ITPR1: variants seen among roughly 807,000 people sequenced by gnomAD.
ITPR1 encodes the protein inositol 1,4,5-trisphosphate-gated calcium channel ITPR1.
Under a neutral mutation model 318.4 loss-of-function variants are expected in ITPR1, and 96 were observed. The observed-to-expected ratio is 0.30, with a 90% confidence interval of 0.26 to 0.36. ITPR1 has a LOEUF of 0.36. ITPR1 is among the 10% of genes least tolerant of loss of function. The pLI, the probability that ITPR1 is intolerant of heterozygous loss-of-function variation, is 1.00. For synonymous variants in ITPR1, 1,312 were observed against 1,289.9 expected, an observed-to-expected ratio of 1.02 and a Z score of -0.37; for missense variants, 2,440 against 3,460.2, an observed-to-expected ratio of 0.71 and a Z score of 7.40.
chr3:4,672,532 C>A (rs923503303), intron 20 of ITPR1, among the ~76,000 whole-genome samples: 5 of 152,066 alleles, frequency 3.3e-5, no homozygotes, highest in African/African-American at 9.7e-5. Flanking sequence ...GAATCTTCTC[C>A]CAAGTGAATG....
In ITPR1 at chr3:4,669,640, CT is replaced by C; in HGVS notation, c.1887-13del. ...TCTATCTACAGAAAATGTTTTGTTT[CT>C]GTTTCTGTTTAGATTCTTAGATTAC... On this transcript the variant is annotated splice_polypyrimidine_tract_variant and intron_variant, in intron 18 of 61. Transcript: ENST00000649015. 2 of 1,605,914 alleles carry C rather than the reference CT, an allele frequency of 1.2e-6. No homozygotes were observed. The highest frequency in any genetic ancestry group is 1.7e-6 in the Non-Finnish European group (2 of 1,175,302).
rs558085018 is a variant in ITPR1 at position 4,839,110 on chromosome 3, C to T, written c.8190+2175C>T. On this transcript the variant is annotated intron_variant, in intron 61 of 61. Transcript: ENST00000649015. Reference sequence around the variant, plus strand: ...TGGGAGGACAAGGAGGGTGGATCACCTGAGGTCAGGAGTTCGAGACCAGCC... The same window carrying T: ...TGGGAGGACAAGGAGGGTGGATCACTTGAGGTCAGGAGTTCGAGACCAGCC... 5.9e-5 allele frequency among the ~76,000 whole-genome samples: 9 copies of T among 152,238 alleles called. No individual in the cohort carries two copies. In the South Asian group the frequency reaches 1.7e-3, roughly 28 times the overall value.
At chr3:4,582,287 C>T (rs948508186) in intron 4 of ITPR1, among the ~76,000 whole-genome samples, 1 of 152,166 alleles carries the variant, frequency 6.6e-6, no homozygotes, top group East Asian at 1.9e-4. Context: ...CCAAAGAAAC[C>T]GCTGGTTAAT....
intron 54 of ITPR1, among the ~76,000 whole-genome samples, chr3:4,802,447 T>C (rs868543420): frequency 3.3e-5 from 5 of 152,272 alleles, no homozygotes; most frequent in Middle Eastern, 6.8e-3. Context: ...TTAGGGGCTG[T>C]AGCGACGCTT....
chr3:4,532,070 G>A (rs77473283), intron 4 of ITPR1, among the ~76,000 whole-genome samples: 20,388 of 152,190 alleles, frequency 0.13, 1,464 homozygotes, highest in African/African-American at 0.16. Context: ...CATATTAAAT[G>A]CCATAACACT....
intron 4 of ITPR1, among the ~76,000 whole-genome samples, chr3:4,538,938 C>G (rs2084139032): frequency 3.9e-5 from 6 of 152,066 alleles, no homozygotes; most frequent in Admixed American, 3.3e-4. Flanking sequence ...GGCTTAATAC[C>G]TAGGTGATAG....
intron 4 of ITPR1, among the ~76,000 whole-genome samples, chr3:4,539,655 G>C (rs928287102): frequency 1.3e-5 from 2 of 152,112 alleles, no homozygotes; most frequent in South Asian, 2.1e-4. Flanking sequence ...TGAGAAGTGG[G>C]GCCTTTAAGA....
At chr3:4,580,676 C>G (rs578262824) in intron 4 of ITPR1, among the ~76,000 whole-genome samples, 1 of 152,294 alleles carries the variant, frequency 6.6e-6, no homozygotes, top group East Asian at 1.9e-4. Flanking sequence ...GTCCTTACCC[C>G]CAACCTCTTG....
chr3:4,565,404 C>T (rs1043550041), intron 4 of ITPR1, among the ~76,000 whole-genome samples: 1 of 152,200 alleles, frequency 6.6e-6, no homozygotes, highest in Non-Finnish European at 1.5e-5. Context: ...ACCACCTGGT[C>T]CATTCAATGC....
chr3:4,806,342 G>T, intron 55 of ITPR1, 75 bp downstream of exon 55: 1 of 1,394,772 alleles, frequency 7.2e-7, no homozygotes. Context: ...TCTCATCACA[G>T]ACCCTTCCTT....
chr3:4,529,115 G>C (rs1203947981), intron 4 of ITPR1, among the ~76,000 whole-genome samples: 4 of 152,126 alleles, frequency 2.6e-5, no homozygotes, highest in African/African-American at 7.2e-5. Context: ...CCCTGAAAAT[G>C]AGCATAAGGG....
intron 5 of ITPR1, among the ~76,000 whole-genome samples, chr3:4,632,784 T>C (rs2093053250): frequency 6.6e-6 from 1 of 151,934 alleles, no homozygotes; most frequent in African/African-American, 2.4e-5. Context: ...AGTTCAATCA[T>C]AAGGTGATCA....
intron 37 of ITPR1, 24 bp downstream of exon 37, chr3:4,706,375 TG>T (rs1484615216): frequency 6.3e-7 from 1 of 1,583,552 alleles, no homozygotes; most frequent in Non-Finnish European, 8.6e-7. Context: ...TTGAGAGAAG[TG>T]ATGCTTAGCC....
intron 49 of ITPR1, among the ~76,000 whole-genome samples, chr3:4,781,970 A>C (rs1470676055): frequency 6.6e-6 from 1 of 152,182 alleles, no homozygotes; most frequent in African/African-American, 2.4e-5. Context: ...GTGACAGAGC[A>C]AGACCCTGTC....
chr3:4,679,253 T>C (rs533628402), intron 24 of ITPR1, among the ~76,000 whole-genome samples: 1 of 152,308 alleles, frequency 6.6e-6, no homozygotes, highest in African/African-American at 2.4e-5. Flanking sequence ...GTTAGCGCTC[T>C]CCAGAGAAAC....
chr3:4,511,299 T>C (rs1482856598), intron 2 of ITPR1, among the ~76,000 whole-genome samples: 2 of 152,148 alleles, frequency 1.3e-5, no homozygotes, highest in East Asian at 3.9e-4. Context: ...AAATCTTCCC[T>C]GCCCCCCCTT....
At chr3:4,819,002 C>A (rs1187379435) in intron 60 of ITPR1, among the ~76,000 whole-genome samples, 1 of 152,198 alleles carries the variant, frequency 6.6e-6, no homozygotes, top group Non-Finnish European at 1.5e-5. Flanking sequence ...GTGATTCACG[C>A]TGGCTGCCTC....
intron 4 of ITPR1, among the ~76,000 whole-genome samples, chr3:4,607,353 G>A (rs1265825239): frequency 6.6e-6 from 1 of 152,170 alleles, no homozygotes; most frequent in Non-Finnish European, 1.5e-5. Context: ...GAGTGTGGTT[G>A]CAGGGCCGCT....
chr3:4,585,712 C>T (rs1158007341), intron 4 of ITPR1, among the ~76,000 whole-genome samples: 2 of 152,118 alleles, frequency 1.3e-5, no homozygotes, highest in African/African-American at 4.8e-5. Flanking sequence ...GCTAGGATTA[C>T]AGGCATGAGC....
Sources: allele counts gnomAD v4.1 joint callset (sites outside exome capture counted in the v4.1 genomes callset), GRCh38; gene constraint gnomAD v4.1.1; transcripts MANE v1.5; gene names NCBI Gene and HGNC (gene_info 2026-07-23, HGNC 2026-07-21).